ACAP3: variants seen among roughly 807,000 people sequenced by gnomAD.
The protein encoded by ACAP3 is arf-GAP with coiled-coil, ANK repeat and PH domain-containing protein 3.
In ACAP3, 56 loss-of-function variants were observed where a neutral mutation model predicts 104.1. The ratio of observed to expected loss-of-function variants is 0.54; its 90% CI spans 0.43 to 0.67. ACAP3 has a LOEUF of 0.67. ACAP3 is among the 30% of genes least tolerant of loss of function. The pLI is 0.00. For missense variants in ACAP3, 1,208 were observed against 1,174.9 expected, an observed-to-expected ratio of 1.03 and a Z score of -0.41; for synonymous variants, 628 against 496.2, an observed-to-expected ratio of 1.27 and a Z score of -3.53.
intron 1 of ACAP3, 110 bp downstream of exon 1, chr1:1,307,659 C>T (rs1641801813): frequency 1.0e-6 from 1 of 1,000,752 alleles, no homozygotes; most frequent in East Asian, 8.3e-5. Context: ...CAGCCCCTCC[C>T]CGGCGGCCGC....
chr1:1,295,961 G>A, intron 17 of ACAP3, 23 bp from the exon 18 acceptor site: 2 of 1,612,612 alleles, frequency 1.2e-6, no homozygotes, highest in Middle Eastern at 1.6e-4. Flanking sequence ...GGAACATGAG[G>A]CTGTGCCCCC....
chr1:1,299,935 G>C (rs746785307), intron 8 of ACAP3, 30 bp from the exon 9 acceptor site: 1 of 1,596,216 alleles, frequency 6.3e-7, no homozygotes, highest in Non-Finnish European at 8.6e-7. Context: ...GGAAGGTCAC[G>C]GAGGCCTGGC....
At chr1:1,306,980 T>A (rs1641746020) in intron 1 of ACAP3, 1 of 421,666 alleles carries the variant, frequency 2.4e-6, no homozygotes, top group African/African-American at 2.0e-5. Context: ...CAAGGCCTGG[T>A]GTCCGGAGGG....
intron 10 of ACAP3, 140 bp from the exon 11 acceptor site, chr1:1,298,819 C>T (rs761269942): frequency 2.2e-5 from 15 of 672,956 alleles, no homozygotes; most frequent in African/African-American, 1.3e-4. Flanking sequence ...AGACGAGAGA[C>T]CCTCTGTTCA....
Position 1,298,178 on chromosome 1 carries a change from G to C in ACAP3, c.916-65C>G, listed in dbSNP as rs1641280145. 2.6e-6 allele frequency: 4 copies of C among 1,563,598 alleles called. No homozygotes were observed. In the Admixed American group the frequency reaches 7.6e-5, roughly 30 times the overall value. ...ACCCGGCCCCGACCACCCACTTCCTGCTTCACCTTGGAGACCCGGAGGCCG... is the reference window on the plus strand; with the variant it reads ...ACCCGGCCCCGACCACCCACTTCCTCCTTCACCTTGGAGACCCGGAGGCCG... On this transcript the variant is annotated intron_variant, in intron 12 of 23. Transcript: ENST00000354700.
In ACAP3 at chr1:1,298,636, G is replaced by A. The variant is rs369561716; in HGVS notation, c.794C>T (p.Ala265Val). 1.4e-5 allele frequency: 23 copies of A among 1,612,198 alleles called. No homozygotes were observed. The highest frequency in any genetic ancestry group is 4.5e-5 in the East Asian group (2 of 44,858). ...GCCCTCCATCACCACCCCACTGGGC[G>A]CGTCCACGTCAAACTCCACTTTGGA... Reference protein sequence around the residue: ...DESKVEFDVDAPSGVVMEGYL... With the variant: ...DESKVEFDVDVPSGVVMEGYL... Residue 265 changes from alanine (A) to valine (V), a missense_variant, in exon 11 of 24, where the codon GCG (alanine) becomes GTG (valine). Physicochemically the swap from Ala to Val is moderately conservative, Grantham distance 64. Transcript: ENST00000354700.
Position 1,294,572 on chromosome 1 carries a change from C to A in ACAP3, c.1969G>T (p.Ala657Ser). 1 of 1,510,890 alleles carries A rather than the reference C, an allele frequency of 6.6e-7. No homozygotes were observed. Among genetic ancestry groups the A allele is most frequent in the East Asian group, 2.6e-5 (1 of 39,028 alleles). 93.6% of individuals were successfully genotyped at this position (1,510,890 alleles called of 1,614,324 possible). The change falls in exon 21 of 24, where the codon GCC (alanine) becomes TCC (serine). Residue 657 changes from alanine to serine, a missense_variant. Ala to Ser is a moderately conservative substitution (Grantham distance 99). Transcript: ENST00000354700. The part of the protein sequence containing the change: ...GEADGDTEAE[A>S]WGLADVRELH... ...TCGCGCACGTCCGCCAGGCCCCAGG[C>A]CTCGGCCTCAGTGTCCCCGTCTGCC...
In ACAP3 at chr1:1,294,412, G is replaced by T; in HGVS notation, c.2129C>A (p.Ala710Asp). ...EDEGKTPLVQ[A>D]VLGGSLIVCE... is the part of the protein sequence containing the mutation. ...CCGTGGCTCGCTCACCCCTAGCACG[G>T]CCTGCACCAGCGGCGTCTTGCCCTC... The change falls in exon 21 of 24, where the codon GCC becomes GAC. Residue 710 changes from alanine (A) to aspartate (D), a missense_variant. Transcript: ENST00000354700. 1 of 1,574,734 alleles carries T rather than the reference G, an allele frequency of 6.4e-7. No individual in the cohort carries two copies.
chr1:1,294,034 C>T (rs1408989029), intron 22 of ACAP3, 56 bp downstream of exon 22: 30 of 1,493,186 alleles, frequency 2.0e-5, no homozygotes, highest in Non-Finnish European at 2.5e-5. Context: ...AGGGCGTAGC[C>T]GGGCCGGGGT....
Position 1,293,399 on chromosome 1 carries a change from C to T in ACAP3, c.*165G>A, listed in dbSNP as rs1264148560. On this transcript the variant is annotated 3_prime_UTR_variant, in exon 24 of 24. Coordinates refer to ENST00000354700, the MANE Select transcript of ACAP3 (RefSeq NM_030649.3). ...GCTTCAAGAGACTCAGTGTGGGGCC[C>T]TCGCTCTCCTCCTGGGCGAGCAGGG... 1.6e-6 allele frequency: 1 copy of T among 640,606 alleles called. No homozygotes were observed. The highest frequency in any genetic ancestry group is 2.2e-6 in the Non-Finnish European group (1 of 456,484). The allele number at this position is 640,606 out of a possible 1,614,324, so 39.7% of individuals were successfully genotyped here.
In ACAP3 at chr1:1,299,367, G is replaced by A. The variant is rs768470943; in HGVS notation, c.739-11C>T. 5.8e-5 allele frequency: 91 copies of A among 1,560,698 alleles called. No homozygotes were observed. The highest frequency in any genetic ancestry group is 7.7e-5 in the Non-Finnish European group (89 of 1,152,084). On this transcript the variant is annotated splice_polypyrimidine_tract_variant and intron_variant, in intron 9 of 23. Transcript: ENST00000354700. The stretch of plus-strand genomic sequence containing the variant: ...TACCTGCAGCAGCGTCTGGAGGGCC[G>A]GAGCAGGAGGGGGTAGGGGGAGAAA...
Position 1,296,508 on chromosome 1 carries a change from G to T in ACAP3, c.1254C>A (p.Cys418Ter). The part of the protein sequence containing the change: ...RVQSVAGNSQ[C>*]GDCGQPDPRW... The stretch of plus-strand genomic sequence containing the variant: ...GGGGGTCCGGCTGGCCGCAGTCGCC[G>T]CACTGGCTGTTGCCGGCCACACTCT... Residue 418 changes from cysteine to a stop codon, truncating the protein, a stop_gained, in exon 15 of 24, where the codon TGC (cysteine) becomes TGA (stop). Coordinates refer to ENST00000354700, the MANE Select transcript of ACAP3 (RefSeq NM_030649.3). LOFTEE classifies it high-confidence loss of function. The T allele has an allele frequency of 6.5e-7, 1 of 1,541,384 alleles. No individual in the cohort carries two copies.
At chr1:1,304,412 C>T (rs1490552576) in intron 1 of ACAP3, 103 of 564,760 alleles carry the variant, frequency 1.8e-4, no homozygotes, top group Non-Finnish European at 3.1e-4. Context: ...GACAGCCGGC[C>T]GCTGGGAGTC....
rs1208714489 is a variant in ACAP3, at chr1:1,293,855, T to A, written c.2328A>T (p.Ala776=). ...CGATGTCAGCGTTGGCCGCCTGCAC[T>A]GCGATGGCCAACGGGTCCCGCTGCT... ...DQEQRDPLAI[A]VQAANADIVT... is the part of the protein sequence containing the mutation. The change falls in exon 23 of 24, where the codon GCA becomes GCT. Residue 776 remains alanine (A), a synonymous_variant. Coordinates refer to ENST00000354700, the MANE Select transcript of ACAP3 (RefSeq NM_030649.3). The A allele has an allele frequency of 6.5e-7, 1 of 1,543,588 alleles. No individual in the cohort carries two copies. The highest frequency in any genetic ancestry group is 1.8e-5 in the Admixed American group (1 of 55,322).
chr1:1,300,448 C>T lies in ACAP3; in HGVS notation c.522+61G>A, dbSNP rs964900550. 7 of 1,512,042 alleles carry T rather than the reference C, an allele frequency of 4.6e-6. No homozygotes were observed. In the African/African-American group the frequency reaches 9.8e-5, roughly 21 times the overall value. 93.7% of individuals were successfully genotyped at this position (1,512,042 alleles called of 1,614,324 possible). A position where few individuals can be genotyped will look rare whatever the true frequency, so the allele number is the denominator to read the frequency against. On this transcript the variant is annotated intron_variant, in intron 6 of 23. Transcript: ENST00000354700. ...AAAATCCCTCCAGTTCTGTACAAGG[C>T]CGTTGAGGCCTCCATTCGCTACAGC...
intron 1 of ACAP3, among the ~76,000 whole-genome samples, chr1:1,306,534 C>G (rs1641702731): frequency 6.6e-6 from 1 of 152,192 alleles, no homozygotes; most frequent in South Asian, 2.1e-4. Flanking sequence ...GGCCACTCTC[C>G]TGGCTGGCCC....
intron 1 of ACAP3, chr1:1,305,289 A>T (rs1641643360): frequency 6.5e-6 from 1 of 153,030 alleles, no homozygotes; most frequent in Non-Finnish European, 1.5e-5. Flanking sequence ...CGATGGAGGG[A>T]ATCTCGCTGT....
At position 1,302,987 on chromosome 1, in the gene ACAP3, G is replaced by T; in HGVS notation, c.226-12C>A. The T allele has an allele frequency of 2.5e-6, 4 of 1,608,752 alleles. No homozygotes were observed. The highest frequency in any genetic ancestry group is 1.1e-5 in the South Asian group (1 of 90,438). On this transcript the variant is annotated splice_polypyrimidine_tract_variant and intron_variant, in intron 3 of 23. Coordinates refer to ENST00000354700, the MANE Select transcript of ACAP3 (RefSeq NM_030649.3). ...CTCTGCAGACATTCCTGGAGGAGCA[G>T]ATGGGAACCCGTGCTGAGATGGCAA... is the stretch of plus-strand genomic sequence containing the variant.
intron 1 of ACAP3, among the ~76,000 whole-genome samples, chr1:1,306,835 A>G (rs4970431): frequency 0.96 from 146,450 of 152,340 alleles, 70,431 homozygotes; most frequent in African/African-American, 0.98. Context: ...TGATGTGTCT[A>G]TTGCTGACAT....
Sources: allele counts gnomAD v4.1 joint callset (sites outside exome capture counted in the v4.1 genomes callset), GRCh38; gene constraint gnomAD v4.1.1; transcripts MANE v1.5; gene names NCBI Gene and HGNC (gene_info 2026-07-23, HGNC 2026-07-21).